Variants in AKT3 observed in about 807,000 individuals in gnomAD.
The protein encoded by AKT3 is RAC-gamma serine/threonine-protein kinase.
In AKT3, 15 loss-of-function variants were observed where a neutral mutation model predicts 65.3. The observed-to-expected ratio is 0.23, with a 90% confidence interval of 0.15 to 0.35. The LOEUF is 0.35. Ranked by LOEUF, AKT3 falls within the 10% of genes least tolerant of loss-of-function variation. The pLI, the probability that AKT3 is intolerant of heterozygous loss-of-function variation, is 1.00. For synonymous variants in AKT3, 206 were observed against 183.8 expected (o/e 1.12, Z -0.98); for missense variants, 243 against 576.5 (o/e 0.42, Z 5.92).
intron 2 of AKT3, among the ~76,000 whole-genome samples, chr1:243,746,769 A>G (rs983652515): frequency 6.6e-6 from 1 of 152,220 alleles, no homozygotes; most frequent in Non-Finnish European, 1.5e-5. Context: ...GATAATCTCC[A>G]CTAAACTTTA....
intron 2 of AKT3, among the ~76,000 whole-genome samples, chr1:243,824,909 T>C (rs542442619): frequency 6.6e-6 from 1 of 152,302 alleles, no homozygotes; most frequent in East Asian, 1.9e-4. Flanking sequence ...ACTGGGTATA[T>C]ATCCAAAGGA....
At chr1:243,703,877 T>G (rs147623404) in intron 2 of AKT3, among the ~76,000 whole-genome samples, 2,216 of 152,246 alleles carry the variant, frequency 0.015, 167 homozygotes, top group Admixed American at 0.13. Flanking sequence ...GAAATGTAAC[T>G]TTTTAAAGTG....
rs796769872 is a variant in AKT3, at chr1:243,504,160, G to A, written c.*1089C>T. On this transcript the variant is annotated 3_prime_UTR_variant, in exon 14 of 14. Coordinates refer to ENST00000673466, the MANE Select transcript of AKT3 (RefSeq NM_005465.7). ...TGCACATGGGTCAAAAGTAACTGCA[G>A]TAAGTCTATTTTATATAAGTTGGAG... The A allele has an allele frequency of 6.0e-5, 13 of 218,204 alleles. No individual in the cohort carries two copies. The highest frequency in any genetic ancestry group is 2.9e-4 in the African/African-American group (13 of 44,594). 13.5% of individuals were successfully genotyped at this position (218,204 alleles called of 1,614,324 possible).
chr1:243,743,194 A>G (rs1361596209), intron 2 of AKT3, among the ~76,000 whole-genome samples: 2 of 152,226 alleles, frequency 1.3e-5, no homozygotes, highest in Non-Finnish European at 2.9e-5. Flanking sequence ...TCTGTGTTCA[A>G]TGATAAGGTT....
At chr1:243,846,539 T>C (rs1405158282) in intron 1 of AKT3, among the ~76,000 whole-genome samples, 1 of 152,210 alleles carries the variant, frequency 6.6e-6, no homozygotes, top group African/African-American at 2.4e-5. Flanking sequence ...TAATTTTATC[T>C]ACCCATTAGT....
At chr1:243,583,502 T>TC (rs1675560276) in intron 8 of AKT3, among the ~76,000 whole-genome samples, 1 of 123,834 alleles carries the variant, frequency 8.1e-6, no homozygotes, top group Non-Finnish European at 1.6e-5. Context: ...GGAACAATAC[T>TC]CCAAGACTGA....
At chr1:243,594,566 A>G (rs1341965801) in intron 8 of AKT3, among the ~76,000 whole-genome samples, 3 of 152,200 alleles carry the variant, frequency 2.0e-5, no homozygotes, top group Non-Finnish European at 2.9e-5. Context: ...AAACAGACCC[A>G]TATGTGTGAC....
intron 3 of AKT3, among the ~76,000 whole-genome samples, chr1:243,678,042 C>T (rs1429276292): frequency 3.3e-5 from 5 of 151,934 alleles, no homozygotes; most frequent in East Asian, 1.9e-4. Context: ...GAGCCGAGAT[C>T]GCGCCATTCC....
At chr1:243,845,973 A>G (rs1339721201) in intron 1 of AKT3, among the ~76,000 whole-genome samples, 2 of 152,230 alleles carry the variant, frequency 1.3e-5, no homozygotes, top group South Asian at 4.1e-4. Flanking sequence ...AAAGTATAGC[A>G]TTAGATGAAC....
chr1:243,699,378 A>G (rs1447724813), intron 2 of AKT3, among the ~76,000 whole-genome samples: 2 of 150,142 alleles, frequency 1.3e-5, no homozygotes, highest in African/African-American at 4.9e-5. Context: ...ACCAATATAC[A>G]TCCAAATAGT....
chr1:243,600,687 A>C (rs1417830657), intron 8 of AKT3, among the ~76,000 whole-genome samples: 3 of 152,294 alleles, frequency 2.0e-5, no homozygotes, highest in Non-Finnish European at 4.4e-5. Flanking sequence ...TAAATGCAAG[A>C]GCTAAAACTA....
chr1:243,803,087 G>C (rs1340306296), intron 2 of AKT3, among the ~76,000 whole-genome samples: 1 of 152,148 alleles, frequency 6.6e-6, no homozygotes, highest in Non-Finnish European at 1.5e-5. Context: ...GTTCAAGGTT[G>C]CAGTGCGCTA....
chr1:243,761,331 G>A (rs1201837329), intron 2 of AKT3, among the ~76,000 whole-genome samples: 1 of 152,026 alleles, frequency 6.6e-6, no homozygotes, highest in Non-Finnish European at 1.5e-5. Flanking sequence ...AAGACTCAAT[G>A]GACAAGCTAA....
Position 243,500,629 on chromosome 1 carries a change from C to T in AKT3, c.*4620G>A, listed in dbSNP as rs1558566947. 2 of 229,810 alleles carry T rather than the reference C, an allele frequency of 8.7e-6. No homozygotes were observed. The allele number at this position is 229,810 out of a possible 1,614,324, so 14.2% of individuals were successfully genotyped here. A position where few individuals can be genotyped will look rare whatever the true frequency, so the allele number is the denominator to read the frequency against. ...AGAATGACAAACACTAAAGGCAAGGCTGCAGTTAGTTAGGACAGGTCCCTG... is the reference window on the plus strand; with the variant it reads ...AGAATGACAAACACTAAAGGCAAGGTTGCAGTTAGTTAGGACAGGTCCCTG... On this transcript the variant is annotated 3_prime_UTR_variant, in exon 14 of 14. Transcript: ENST00000673466.
At chr1:243,688,658 T>C (rs1416318871) in intron 3 of AKT3, among the ~76,000 whole-genome samples, 1 of 152,190 alleles carries the variant, frequency 6.6e-6, no homozygotes, top group African/African-American at 2.4e-5. Flanking sequence ...TCTTGCTGAC[T>C]GACTCGCAGC....
At chr1:243,756,026 A>T (rs967415008) in intron 2 of AKT3, among the ~76,000 whole-genome samples, 2 of 152,242 alleles carry the variant, frequency 1.3e-5, no homozygotes, top group African/African-American at 2.4e-5. Context: ...GATGAACCAT[A>T]TAAGTCATAT....
At chr1:243,524,645 C>A (rs1282856538) in intron 12 of AKT3, among the ~76,000 whole-genome samples, 1 of 152,200 alleles carries the variant, frequency 6.6e-6, no homozygotes, top group East Asian at 1.9e-4. Context: ...CTGTGAGATA[C>A]TTCCTTGCAT....
At chr1:243,740,324 C>T (rs1688076607) in intron 2 of AKT3, among the ~76,000 whole-genome samples, 1 of 152,072 alleles carries the variant, frequency 6.6e-6, no homozygotes. Flanking sequence ...AAAGCGTTTG[C>T]CCCCCTTCTT....
intron 4 of AKT3, among the ~76,000 whole-genome samples, chr1:243,652,576 T>C (rs1681436824): frequency 6.6e-6 from 1 of 151,756 alleles, no homozygotes; most frequent in Non-Finnish European, 1.5e-5. Flanking sequence ...TCATAAAGCA[T>C]CAAATTCACA....
Sources: gnomAD v4.1 joint callset for allele counts (sites outside exome capture counted in the v4.1 genomes callset) on GRCh38, gnomAD v4.1.1 for gene constraint, MANE v1.5 for transcripts, NCBI Gene and HGNC (gene_info 2026-07-23, HGNC 2026-07-21) for gene names.